Variants in NRXN3 observed in about 807,000 individuals in gnomAD.
The protein encoded by NRXN3 is neurexin 3.
NRXN3 carries 32 observed loss-of-function variants against 137.6 expected under a neutral mutation model. That is an observed-to-expected ratio of 0.23 (90% confidence interval 0.18 to 0.31). The LOEUF is 0.31. NRXN3 is among the 10% of genes least tolerant of loss of function. The pLI is 1.00. For synonymous variants in NRXN3, 798 were observed against 784.5 expected (o/e 1.02, Z -0.29); for missense variants, 1,574 against 2,062.5 (o/e 0.76, Z 4.59).
intron 4 of NRXN3, among the ~76,000 whole-genome samples, chr14:78,434,550 G>T (rs2093998093): frequency 6.6e-6 from 1 of 152,084 alleles, no homozygotes; most frequent in Non-Finnish European, 1.5e-5. Context: ...TAAACTCATA[G>T]CACCATATAT....
At chr14:78,190,984 T>C (rs1239321604) in intron 1 of NRXN3, among the ~76,000 whole-genome samples, 17 of 152,192 alleles carry the variant, frequency 1.1e-4, no homozygotes, top group Non-Finnish European at 5.9e-5. Context: ...AGTGACTCTC[T>C]TTTATATATG....
At chr14:79,136,044 A>G (rs2058190129) in intron 15 of NRXN3, among the ~76,000 whole-genome samples, 1 of 152,188 alleles carries the variant, frequency 6.6e-6, no homozygotes, top group African/African-American at 2.4e-5. Context: ...ACACTCACCA[A>G]CTGCTGTCCA....
At chr14:79,473,600 C>A (rs565108567) in intron 16 of NRXN3, among the ~76,000 whole-genome samples, 88 of 152,208 alleles carry the variant, frequency 5.8e-4, no homozygotes, top group Non-Finnish European at 1.1e-3. Flanking sequence ...CAGTGGAGTA[C>A]AGAAGAATGT....
intron 1 of NRXN3, among the ~76,000 whole-genome samples, chr14:78,187,781 G>GTTTT (rs58649555): frequency 7.5e-5 from 10 of 133,722 alleles, no homozygotes; most frequent in Admixed American, 7.7e-5. Context: ...GATTTTAGTT[G>GTTTT]TTTTTTTTTT....
At chr14:78,803,893 T>C (rs2098847013) in intron 9 of NRXN3, 70 bp downstream of exon 9, 2 of 1,397,080 alleles carry the variant, frequency 1.4e-6, no homozygotes, top group African/African-American at 1.4e-5. Context: ...TTTTCATTGG[T>C]TTGATTGAAT....
At chr14:79,606,290 T>C (rs1169121842) in intron 16 of NRXN3, among the ~76,000 whole-genome samples, 2 of 152,206 alleles carry the variant, frequency 1.3e-5, no homozygotes, top group African/African-American at 4.8e-5. Flanking sequence ...ATAAAGCAGA[T>C]AAACCGTGGT....
chr14:79,022,406 G>C (rs1302465733), intron 15 of NRXN3, among the ~76,000 whole-genome samples: 1 of 152,020 alleles, frequency 6.6e-6, no homozygotes, highest in Non-Finnish European at 1.5e-5. Flanking sequence ...AAAATACACA[G>C]CTGAAAAAAG....
intron 15 of NRXN3, among the ~76,000 whole-genome samples, chr14:79,007,661 C>T (rs560215490): frequency 2.6e-5 from 4 of 151,538 alleles, no homozygotes; most frequent in African/African-American, 9.7e-5. Flanking sequence ...AGAAAATTAG[C>T]CAGGTGTGGT....
At chr14:78,271,899 A>G (rs979245158) in intron 2 of NRXN3, among the ~76,000 whole-genome samples, 7 of 152,204 alleles carry the variant, frequency 4.6e-5, no homozygotes, top group African/African-American at 1.7e-4. Context: ...TGAAGAGCTC[A>G]GACACTGAGA....
chr14:79,227,783 T>TTCCC (rs1236861610), intron 15 of NRXN3, among the ~76,000 whole-genome samples: 1,076 of 88,244 alleles, frequency 0.012, 26 homozygotes, highest in African/African-American at 0.043. Flanking sequence ...CCTTCCTTCC[T>TTCCC]TCCCTCCTCC....
intron 4 of NRXN3, among the ~76,000 whole-genome samples, chr14:78,593,704 G>C (rs1566838722): frequency 6.6e-6 from 1 of 152,114 alleles, no homozygotes; most frequent in African/African-American, 2.4e-5. Context: ...CGAGGAGGGG[G>C]TGGGGAAATT....
intron 15 of NRXN3, among the ~76,000 whole-genome samples, chr14:79,260,237 A>T (rs2077392657): frequency 6.6e-6 from 1 of 152,190 alleles, no homozygotes; most frequent in Non-Finnish European, 1.5e-5. Context: ...TATAAATTAT[A>T]TTTTATAAGA....
chr14:78,948,747 A>T (rs889823763), intron 10 of NRXN3, among the ~76,000 whole-genome samples: 2 of 150,646 alleles, frequency 1.3e-5, no homozygotes, highest in Admixed American at 1.3e-4. Context: ...TCCTCCTAGA[A>T]TTAGATTTTC....
intron 8 of NRXN3, among the ~76,000 whole-genome samples, chr14:78,737,714 ACT>A (rs1470016409): frequency 6.6e-6 from 1 of 151,892 alleles, no homozygotes; most frequent in Non-Finnish European, 1.5e-5. Flanking sequence ...AATCACTGAA[ACT>A]CTCTTTCTAT....
At chr14:78,322,115 C>G (rs2079448191) in intron 4 of NRXN3, among the ~76,000 whole-genome samples, 1 of 151,856 alleles carries the variant, frequency 6.6e-6, no homozygotes, top group African/African-American at 2.4e-5. Context: ...AAATTTTACT[C>G]TAATCCAAGC....
rs562488232 is a variant in NRXN3, at chr14:79,236,207, A to G, written c.3263-231014A>G. Among the ~76,000 whole-genome samples, 23 of 152,246 alleles carry G rather than the reference A, an allele frequency of 1.5e-4. No individual in the cohort carries two copies. In the South Asian group the frequency reaches 4.1e-3, roughly 27 times the overall value. On this transcript the variant is annotated intron_variant, in intron 15 of 20. Transcript: ENST00000335750. ...GTAGTTTCAAATCCAGACACCCAATACACACACTTCCACTCACCTTCACGT... is the reference window on the plus strand; with the variant it reads ...GTAGTTTCAAATCCAGACACCCAATGCACACACTTCCACTCACCTTCACGT...
At chr14:79,496,727 A>C (rs2096771348) in intron 16 of NRXN3, among the ~76,000 whole-genome samples, 2 of 152,214 alleles carry the variant, frequency 1.3e-5, no homozygotes, top group South Asian at 4.1e-4. Context: ...TTTGTTTACT[A>C]GATTGACTAT....
chr14:78,778,670 C>CTCTCT (rs2098752736), intron 8 of NRXN3, among the ~76,000 whole-genome samples: 1 of 139,506 alleles, frequency 7.2e-6, no homozygotes, highest in Admixed American at 7.3e-5. Context: ...CTTTTCTTTT[C>CTCTCT]TCTTTTCTTT....
intron 16 of NRXN3, among the ~76,000 whole-genome samples, chr14:79,576,015 C>G (rs1438164462): frequency 6.6e-6 from 1 of 152,102 alleles, no homozygotes; most frequent in Middle Eastern, 3.2e-3. Flanking sequence ...GCAGGTGCTG[C>G]CAAAATGGTA....
Sources: gnomAD v4.1 joint callset for allele counts (sites outside exome capture counted in the v4.1 genomes callset) on GRCh38, gnomAD v4.1.1 for gene constraint, MANE v1.5 for transcripts, NCBI Gene and HGNC (gene_info 2026-07-23, HGNC 2026-07-21) for gene names.